Variants in AKAP6 observed in about 807,000 individuals in gnomAD.
AKAP6 encodes A-kinase anchor protein 6.
In AKAP6, 58 loss-of-function variants were observed where a neutral mutation model predicts 188.5. The observed-to-expected ratio is 0.31, with a 90% confidence interval of 0.25 to 0.38. AKAP6 has a LOEUF of 0.38. AKAP6 is among the 10% of genes least tolerant of loss of function. The pLI is 1.00. For missense variants in AKAP6, 2,710 were observed against 2,740.0 expected (o/e 0.99, Z 0.24); for synonymous variants, 989 against 998.6 (o/e 0.99, Z 0.18).
At chr14:32,661,449 G>A (rs548352393) in intron 7 of AKAP6, among the ~76,000 whole-genome samples, 2 of 152,098 alleles carry the variant, frequency 1.3e-5, no homozygotes, top group Non-Finnish European at 2.9e-5. Context: ...AGGAATGCAC[G>A]ATTGTGCACA....
intron 2 of AKAP6, among the ~76,000 whole-genome samples, chr14:32,475,701 C>T (rs146938918): frequency 0.043 from 5,771 of 133,466 alleles, 381 homozygotes; most frequent in African/African-American, 0.15. Flanking sequence ...TTTTTTGAGA[C>T]GGAGTCTCGC....
chr14:32,745,936 A>C (rs2031890451), intron 11 of AKAP6, among the ~76,000 whole-genome samples: 1 of 151,678 alleles, frequency 6.6e-6, no homozygotes, highest in African/African-American at 2.4e-5. Context: ...GGGGAGCCTC[A>C]CCCTATGGCC....
At chr14:32,599,285 A>G in intron 5 of AKAP6, 125 bp from the exon 6 acceptor site, 1 of 706,024 alleles carries the variant, frequency 1.4e-6, no homozygotes, top group African/African-American at 1.8e-5. Flanking sequence ...TAGTATTGCA[A>G]ATTAGTTTGT....
intron 9 of AKAP6, among the ~76,000 whole-genome samples, chr14:32,723,621 A>C (rs2030685129): frequency 6.6e-6 from 1 of 151,142 alleles, no homozygotes; most frequent in Admixed American, 6.6e-5. Flanking sequence ...ATGTCTTGCC[A>C]TACTGAACCC....
intron 5 of AKAP6, among the ~76,000 whole-genome samples, chr14:32,585,792 A>G (rs1885209100): frequency 6.6e-6 from 1 of 152,156 alleles, no homozygotes; most frequent in Non-Finnish European, 1.5e-5. Flanking sequence ...CTCAAAGGCC[A>G]TATGTAATTT....
At chr14:32,582,237 T>C (rs1194839824) in intron 5 of AKAP6, among the ~76,000 whole-genome samples, 2 of 152,208 alleles carry the variant, frequency 1.3e-5, no homozygotes, top group Non-Finnish European at 2.9e-5. Flanking sequence ...AGTATTTTAT[T>C]TTTCCTTCAC....
intron 2 of AKAP6, among the ~76,000 whole-genome samples, chr14:32,533,222 G>A (rs10133229): frequency 0.46 from 69,235 of 151,972 alleles, 17,300 homozygotes; most frequent in African/African-American, 0.67. Context: ...GCATTCTTCA[G>A]TGTAATGTAG....
rs78766114 is a variant in AKAP6, at chr14:32,663,162, A to G, written c.2731-15149A>G. ...ACATTTGCCAAAAGGGAGCCTCTTC[A>G]TATGACACTTGTGTCCTTTTGACAG... On this transcript the variant is annotated intron_variant, in intron 7 of 13. Coordinates refer to ENST00000280979, the MANE Select transcript of AKAP6 (RefSeq NM_004274.5). 3.6e-3 allele frequency among the ~76,000 whole-genome samples: 546 copies of G among 152,274 alleles called. 33 individuals carry two copies. The East Asian group carries it at 0.091, about 25-fold the overall frequency.
Position 32,482,997 on chromosome 14 carries a change from A to G in AKAP6, c.324+49180A>G, listed in dbSNP as rs1398826383. On this transcript the variant is annotated intron_variant, in intron 2 of 13. Transcript: ENST00000280979. The stretch of plus-strand genomic sequence containing the variant: ...TCTGTGTGTGTGTGTGTGTATATAT[A>G]TATATATATATATATGTATCTTGCA... Among the ~76,000 whole-genome samples, 6 of 65,762 alleles carry G rather than the reference A, an allele frequency of 9.1e-5. No homozygotes were observed. In the South Asian group the frequency reaches 6.0e-3, roughly 66 times the overall value. The allele number at this position is 65,762 out of a possible 152,430, so 43.1% of individuals were successfully genotyped here.
chr14:32,626,521 C>G (rs1887032075), intron 7 of AKAP6, among the ~76,000 whole-genome samples: 1 of 152,116 alleles, frequency 6.6e-6, no homozygotes, highest in Admixed American at 6.6e-5. Flanking sequence ...GAAATCGCTT[C>G]TCCAGGCTCA....
intron 11 of AKAP6, among the ~76,000 whole-genome samples, chr14:32,769,244 C>T (rs1594927998): frequency 6.6e-6 from 1 of 151,366 alleles, no homozygotes. Context: ...GATGGGGTTT[C>T]ACTGTGTTGG....
intron 9 of AKAP6, among the ~76,000 whole-genome samples, chr14:32,721,662 TTG>T (rs780948086): frequency 6.6e-6 from 1 of 152,210 alleles, no homozygotes; most frequent in African/African-American, 2.4e-5. Context: ...TTTTATGTGG[TTG>T]TGTCTTTGCT....
chr14:32,517,426 G>A (rs1318837571), intron 2 of AKAP6, among the ~76,000 whole-genome samples: 1 of 152,212 alleles, frequency 6.6e-6, no homozygotes, highest in Non-Finnish European at 1.5e-5. Flanking sequence ...TCATCTCACT[G>A]AGGATTGTTG....
At chr14:32,505,616 G>A (rs1318680028) in intron 2 of AKAP6, among the ~76,000 whole-genome samples, 2 of 152,056 alleles carry the variant, frequency 1.3e-5, no homozygotes, top group Admixed American at 1.3e-4. Flanking sequence ...CTGTCTTTAT[G>A]AAAAATTATT....
At chr14:32,488,808 C>G (rs919283016) in intron 2 of AKAP6, among the ~76,000 whole-genome samples, 1 of 152,142 alleles carries the variant, frequency 6.6e-6, no homozygotes, top group Non-Finnish European at 1.5e-5. Flanking sequence ...GGCGACACCC[C>G]ACCCTGCTTC....
chr14:32,703,207 A>G lies in AKAP6; in HGVS notation c.3000+7097A>G, dbSNP rs1166026321. ...CGGGGAGAGGGGGGCTTGGATGGAG[A>G]GTGGAGAGTGAGGGGAGAGAAAGGG... is the stretch of plus-strand genomic sequence containing the variant. On this transcript the variant is annotated intron_variant, in intron 9 of 13. Coordinates refer to ENST00000280979, the MANE Select transcript of AKAP6 (RefSeq NM_004274.5). 2.6e-5 allele frequency among the ~76,000 whole-genome samples: 4 copies of G among 151,926 alleles called. No homozygotes were observed. The East Asian group carries it at 7.7e-4, about 29-fold the overall frequency.
rs1302959390 is a variant in AKAP6 at position 32,835,365 on chromosome 14, C to G, written c.*5560C>G. 1 of 152,108 alleles carries G rather than the reference C, an allele frequency of 6.6e-6. No homozygotes were observed. The highest frequency in any genetic ancestry group is 1.5e-5 in the Non-Finnish European group (1 of 68,028). The allele number at this position is 152,108 out of a possible 1,614,324, so 9.4% of individuals were successfully genotyped here. On this transcript the variant is annotated 3_prime_UTR_variant, in exon 14 of 14. Transcript: ENST00000280979. ...GCACTTAAAGATTGTTTCACATCCACAGTTTGTTTAAGGATTTAAATTTAG... is the reference window on the plus strand; with the variant it reads ...GCACTTAAAGATTGTTTCACATCCAGAGTTTGTTTAAGGATTTAAATTTAG...
At position 32,425,641 on chromosome 14, in the gene AKAP6, G is replaced by GAGGA. The variant is rs202089371; in HGVS notation, c.-34-7800_-34-7797dup. On this transcript the variant is annotated intron_variant, in intron 1 of 13. Coordinates refer to ENST00000280979, the MANE Select transcript of AKAP6 (RefSeq NM_004274.5). ...AGGAAGGAAGGAGAGGAATGAAGGA[G>GAGGA]AGGAAGGAAGGAAGGAAGGAAGCTG... 3.9e-4 allele frequency among the ~76,000 whole-genome samples: 59 copies of GAGGA among 151,640 alleles called. 1 individual carries two copies. The highest frequency in any genetic ancestry group is 8.3e-4 in the South Asian group (4 of 4,794).
intron 1 of AKAP6, among the ~76,000 whole-genome samples, chr14:32,356,070 C>G (rs1469501559): frequency 6.6e-6 from 1 of 152,188 alleles, no homozygotes; most frequent in Non-Finnish European, 1.5e-5. Context: ...AGCCACCATA[C>G]CTGGCAGGTA....
Sources: gnomAD v4.1 joint callset for allele counts (sites outside exome capture counted in the v4.1 genomes callset) on GRCh38, gnomAD v4.1.1 for gene constraint, MANE v1.5 for transcripts, NCBI Gene and HGNC (gene_info 2026-07-23, HGNC 2026-07-21) for gene names.